SEMA6D: variants seen among roughly 807,000 people sequenced by gnomAD.
SEMA6D encodes the protein semaphorin-6D.
A neutral mutation model predicts 106.6 loss-of-function variants in SEMA6D; 35 were observed. That is an observed-to-expected ratio of 0.33 (90% CI 0.25 to 0.44). SEMA6D has a LOEUF of 0.44. Ranked by LOEUF, SEMA6D falls within the 20% of genes least tolerant of loss-of-function variation. The pLI is 1.00. For synonymous variants in SEMA6D, 499 were observed against 487.7 expected (o/e 1.02, Z -0.31); for missense variants, 1,185 against 1,345.9 (o/e 0.88, Z 1.87).
intron 2 of SEMA6D, among the ~76,000 whole-genome samples, chr15:47,450,878 C>T (rs1299979487): frequency 6.6e-6 from 1 of 152,018 alleles, no homozygotes; most frequent in Non-Finnish European, 1.5e-5. Flanking sequence ...TGTGTTCTCT[C>T]CATCTTTTGA....
chr15:47,663,232 A>C (rs1293712373), intron 4 of SEMA6D, among the ~76,000 whole-genome samples: 1 of 152,210 alleles, frequency 6.6e-6, no homozygotes, highest in Non-Finnish European at 1.5e-5. Context: ...ATGCTAACAA[A>C]TTCCAGGAGG....
chr15:47,300,192 C>G (rs2035966399), intron 1 of SEMA6D, among the ~76,000 whole-genome samples: 1 of 152,166 alleles, frequency 6.6e-6, no homozygotes, highest in African/African-American at 2.4e-5. Flanking sequence ...CCTCCTCACG[C>G]TGAGGGCTTT....
chr15:47,245,128 T>G (rs565005368), intron 1 of SEMA6D, among the ~76,000 whole-genome samples: 2 of 152,090 alleles, frequency 1.3e-5, no homozygotes, highest in African/African-American at 4.8e-5. Flanking sequence ...TGATTCCATG[T>G]TTTTGTGAAT....
intron 1 of SEMA6D, among the ~76,000 whole-genome samples, chr15:47,307,994 T>C (rs1490731088): frequency 1.3e-5 from 2 of 151,778 alleles, no homozygotes; most frequent in South Asian, 2.1e-4. Context: ...ATTTTTTACA[T>C]GTTTGTTGCC....
intron 4 of SEMA6D, among the ~76,000 whole-genome samples, chr15:47,619,967 A>G (rs2077069865): frequency 6.6e-6 from 1 of 152,160 alleles, no homozygotes; most frequent in African/African-American, 2.4e-5. Flanking sequence ...CTCCCTATTC[A>G]CATTACATCT....
Position 47,771,556 on chromosome 15 carries a change from G to A in SEMA6D, c.2993G>A (p.Gly998Glu). ...TCCAGACAGCCTAGTATGAACCGTG[G>A]AGGATATATGCCCACCCCCACTGGG... ...LLSRQPSMNR[G>E]GYMPTPTGAK... Residue 998 changes from glycine (G) to glutamate (E), a missense_variant, in exon 19 of 19, where the codon GGA (glycine) becomes GAA (glutamate). Transcript: ENST00000536845. The A allele has an allele frequency of 6.2e-7, 1 of 1,614,104 alleles. No homozygotes were observed. The highest frequency in any genetic ancestry group is 8.5e-7 in the Non-Finnish European group (1 of 1,179,978).
chr15:47,422,236 T>TCCTTCCTTCCTTCCTTCC (rs1248648261), intron 2 of SEMA6D, among the ~76,000 whole-genome samples: 3 of 149,548 alleles, frequency 2.0e-5, no homozygotes, highest in African/African-American at 2.4e-5. Flanking sequence ...CTTCCTTCCA[T>TCCTTCCTTCCTTCCTTCC]TTTCTTATAA....
chr15:47,632,256 C>CT (rs566240326), intron 4 of SEMA6D, among the ~76,000 whole-genome samples: 4 of 151,586 alleles, frequency 2.6e-5, no homozygotes, highest in Admixed American at 1.3e-4. Flanking sequence ...TTCATGGTTA[C>CT]TTTTTTTTAT....
chr15:47,652,092 C>T (rs1596537460), intron 4 of SEMA6D, among the ~76,000 whole-genome samples: 1 of 152,172 alleles, frequency 6.6e-6, no homozygotes, highest in Admixed American at 6.5e-5. Context: ...TACTGTTCTA[C>T]CTTTACTGGG....
intron 3 of SEMA6D, among the ~76,000 whole-genome samples, chr15:47,516,275 TAC>T: frequency 6.6e-6 from 1 of 152,294 alleles, no homozygotes; most frequent in Non-Finnish European, 1.5e-5. Flanking sequence ...GATACTTTTG[TAC>T]AGTTTCACCA....
At chr15:47,539,407 G>GT (rs34781241) in intron 3 of SEMA6D, among the ~76,000 whole-genome samples, 9,364 of 149,490 alleles carry the variant, frequency 0.063, 330 homozygotes, top group South Asian at 0.096. Flanking sequence ...CCCTGGCTCA[G>GT]TTTTTTTTTT....
intron 1 of SEMA6D, among the ~76,000 whole-genome samples, chr15:47,405,069 G>T (rs2040517260): frequency 6.6e-6 from 1 of 152,080 alleles, no homozygotes; most frequent in Non-Finnish European, 1.5e-5. Context: ...TCCAGGAGGA[G>T]CAAGCAGCAG....
At chr15:47,558,700 A>G (rs1259170016) in intron 3 of SEMA6D, among the ~76,000 whole-genome samples, 3 of 152,242 alleles carry the variant, frequency 2.0e-5, no homozygotes, top group East Asian at 3.9e-4. Flanking sequence ...CTAGGATTTC[A>G]GTAAAATCTA....
At chr15:47,518,056 G>C (rs966617300) in intron 3 of SEMA6D, among the ~76,000 whole-genome samples, 6 of 152,136 alleles carry the variant, frequency 3.9e-5, no homozygotes, top group African/African-American at 1.2e-4. Flanking sequence ...GAACTTCTTA[G>C]AACTCATTAA....
chr15:47,495,805 T>C (rs1003448120), intron 3 of SEMA6D, among the ~76,000 whole-genome samples: 1 of 152,122 alleles, frequency 6.6e-6, no homozygotes, highest in Non-Finnish European at 1.5e-5. Context: ...ATTTGAATTC[T>C]AAATTTAGTC....
intron 1 of SEMA6D, among the ~76,000 whole-genome samples, chr15:47,255,409 T>C (rs2033753865): frequency 6.6e-6 from 1 of 152,086 alleles, no homozygotes; most frequent in East Asian, 1.9e-4. Flanking sequence ...CATTGATCTT[T>C]ATTTTTTTAA....
At chr15:47,224,558 C>G (rs1159194937) in intron 1 of SEMA6D, among the ~76,000 whole-genome samples, 4 of 152,082 alleles carry the variant, frequency 2.6e-5, no homozygotes, top group Non-Finnish European at 5.9e-5. Context: ...ATCTCTTTAA[C>G]TTCCAAACCC....
intron 2 of SEMA6D, among the ~76,000 whole-genome samples, chr15:47,447,926 C>T (rs950359735): frequency 6.6e-6 from 1 of 152,160 alleles, no homozygotes; most frequent in Non-Finnish European, 1.5e-5. Flanking sequence ...AATGATTGCT[C>T]ACTTGGTGTC....
chr15:47,319,317 C>G (rs975117056), intron 1 of SEMA6D, among the ~76,000 whole-genome samples: 1 of 152,136 alleles, frequency 6.6e-6, no homozygotes, highest in Admixed American at 6.5e-5. Context: ...TGTGTTTGCT[C>G]TGCCTCTTCA....
Sources: gnomAD v4.1 joint callset for allele counts (sites outside exome capture counted in the v4.1 genomes callset) on GRCh38, gnomAD v4.1.1 for gene constraint, MANE v1.5 for transcripts, NCBI Gene and HGNC (gene_info 2026-07-23, HGNC 2026-07-21) for gene names.